Variants in AGO3 observed in about 807,000 individuals in gnomAD.
AGO3 encodes protein argonaute-3.
A neutral mutation model predicts 105.5 loss-of-function variants in AGO3; 16 were observed. That is an observed-to-expected ratio of 0.15 (90% confidence interval 0.10 to 0.23). The LOEUF (loss-of-function observed/expected upper bound fraction) is 0.23. Ranked by LOEUF, AGO3 falls within the 10% of genes least tolerant of loss-of-function variation. AGO3 has a pLI of 1.00. For synonymous variants in AGO3, 340 were observed against 367.3 expected, an observed-to-expected ratio of 0.93 and a Z score of 0.85; for missense variants, 534 against 1,088.0, an observed-to-expected ratio of 0.49 and a Z score of 7.16.
intron 8 of AGO3, 120 bp from the exon 9 acceptor site, chr1:36,009,355 T>G: frequency 8.6e-7 from 1 of 1,167,964 alleles, no homozygotes; most frequent in Non-Finnish European, 1.2e-6. Context: ...ACTTAACATA[T>G]TGAAAATAAG....
At chr1:35,948,672 A>G (rs543626608) in intron 2 of AGO3, among the ~76,000 whole-genome samples, 1 of 152,292 alleles carries the variant, frequency 6.6e-6, no homozygotes, top group East Asian at 1.9e-4. Context: ...GTAGCATAGA[A>G]TTTCATGTGT....
In AGO3 at chr1:36,022,952, AAAAG is replaced by A. The variant is rs1227360054; in HGVS notation, c.1407-4160_1407-4157del. On this transcript the variant is annotated intron_variant, in intron 11 of 18. Coordinates refer to ENST00000373191, the MANE Select transcript of AGO3 (RefSeq NM_024852.4). ...AAAAAACAAAAAAAAAAACAAAAAA[AAAAG>A]AGAAACAAAGGGCATAGACATAGAG... 4.7e-5 allele frequency among the ~76,000 whole-genome samples: 7 copies of A among 150,514 alleles called. No individual in the cohort carries two copies. In the East Asian group the frequency reaches 1.4e-3, roughly 29 times the overall value.
At chr1:35,947,934 G>C (rs1571417071) in intron 2 of AGO3, among the ~76,000 whole-genome samples, 1 of 152,294 alleles carries the variant, frequency 6.6e-6, no homozygotes, top group Non-Finnish European at 1.5e-5. Context: ...CCATGGGCCT[G>C]TAGTCCCAGC....
At chr1:36,046,306 C>T (rs538702287) in intron 17 of AGO3, among the ~76,000 whole-genome samples, 4 of 152,306 alleles carry the variant, frequency 2.6e-5, no homozygotes, top group African/African-American at 9.6e-5. Context: ...ATTGTTAAGG[C>T]TATGCTATCA....
intron 2 of AGO3, among the ~76,000 whole-genome samples, chr1:35,947,455 T>C (rs180978971): frequency 1.3e-5 from 2 of 152,222 alleles, no homozygotes; most frequent in African/African-American, 4.8e-5. Flanking sequence ...ATTGTGGTGT[T>C]TTTAGTGCAT....
At chr1:35,951,312 A>G (rs1646466724) in intron 2 of AGO3, among the ~76,000 whole-genome samples, 1 of 152,232 alleles carries the variant, frequency 6.6e-6, no homozygotes, top group Non-Finnish European at 1.5e-5. Context: ...TACTACTGTT[A>G]CTGTTAATAT....
chr1:35,995,207 A>AAAAAAAATATAT (rs1648180966), intron 5 of AGO3, among the ~76,000 whole-genome samples: 1 of 106,482 alleles, frequency 9.4e-6, no homozygotes, highest in African/African-American at 4.6e-5. Flanking sequence ...TCTAAAAAAA[A>AAAAAAAATATAT]AAATATATAT....
chr1:35,995,222 A>G (rs1648199917), intron 5 of AGO3, among the ~76,000 whole-genome samples: 1 of 145,752 alleles, frequency 6.9e-6, no homozygotes, highest in Admixed American at 6.9e-5. Flanking sequence ...ATATATATAT[A>G]TATATATATA....
intron 5 of AGO3, among the ~76,000 whole-genome samples, chr1:35,991,254 C>A (rs1205354128): frequency 6.6e-6 from 1 of 152,000 alleles, no homozygotes; most frequent in Non-Finnish European, 1.5e-5. Flanking sequence ...AAGATCGCGC[C>A]ACTGCACCCA....
intron 5 of AGO3, among the ~76,000 whole-genome samples, chr1:35,995,724 C>A (rs1648270735): frequency 6.6e-6 from 1 of 152,198 alleles, no homozygotes; most frequent in Non-Finnish European, 1.5e-5. Flanking sequence ...ATCACCCGGA[C>A]TGGAGTGCAG....
intron 5 of AGO3, 63 bp downstream of exon 5, chr1:35,973,574 A>G (rs1383512536): frequency 2.2e-5 from 30 of 1,349,666 alleles, no homozygotes; most frequent in Non-Finnish European, 9.7e-6. Context: ...TGTGTACATA[A>G]ATTTTATATA....
At chr1:36,043,367 A>G (rs1642330701) in intron 16 of AGO3, 80 bp from the exon 17 acceptor site, 2 of 1,078,868 alleles carry the variant, frequency 1.9e-6, no homozygotes, top group Admixed American at 1.9e-5. Flanking sequence ...CAGCCTATGT[A>G]TTCATACATT....
chr1:35,971,388 A>T (rs1246037117), intron 3 of AGO3, among the ~76,000 whole-genome samples: 2 of 150,004 alleles, frequency 1.3e-5, no homozygotes, highest in African/African-American at 4.9e-5. Context: ...TGAACTCCTG[A>T]CCTCAAGTGA....
At chr1:35,996,431 G>T (rs903181386) in intron 5 of AGO3, among the ~76,000 whole-genome samples, 2 of 151,834 alleles carry the variant, frequency 1.3e-5, no homozygotes, top group Admixed American at 1.3e-4. Context: ...ACATAACTCA[G>T]TAAGAAATAG....
At chr1:35,994,042 A>G (rs1381404298) in intron 5 of AGO3, among the ~76,000 whole-genome samples, 2 of 65,838 alleles carry the variant, frequency 3.0e-5, no homozygotes, top group Non-Finnish European at 5.3e-5. Context: ...CTGCGCCCAG[A>G]TTTTTTTTTT....
chr1:36,018,470 G>A (rs548834871), intron 11 of AGO3, among the ~76,000 whole-genome samples: 6 of 151,648 alleles, frequency 4.0e-5, no homozygotes, highest in East Asian at 2.0e-4. Context: ...GTTTTGAGAC[G>A]GAGTCTTGCT....
rs1043941932 is a variant in AGO3 at position 36,032,627 on chromosome 1, G to A, written c.1592-1547G>A. Among the ~76,000 whole-genome samples the A allele has an allele frequency of 5.9e-5, 9 of 152,212 alleles. No individual in the cohort carries two copies. The South Asian group carries it at 6.2e-4, about 11-fold the overall frequency. On this transcript the variant is annotated intron_variant, in intron 12 of 18. Transcript: ENST00000373191. ...TCTAACTCCTGGGCTCAAGCAATCC[G>A]CCTCAGCCTACCAAAGTGCTGGGAT...
intron 17 of AGO3, among the ~76,000 whole-genome samples, chr1:36,050,362 TG>T (rs766508526): frequency 1.6e-4 from 25 of 152,096 alleles, no homozygotes; most frequent in Non-Finnish European, 2.6e-4. Flanking sequence ...GGCACATGCC[TG>T]TAATCCCAGC....
At chr1:35,996,739 C>G (rs1416665416) in intron 5 of AGO3, among the ~76,000 whole-genome samples, 2 of 150,636 alleles carry the variant, frequency 1.3e-5, no homozygotes, top group Non-Finnish European at 2.9e-5. Flanking sequence ...CCGTTGCACT[C>G]CAGCCTGGGC....
Sources: allele counts gnomAD v4.1 joint callset (sites outside exome capture counted in the v4.1 genomes callset), GRCh38; gene constraint gnomAD v4.1.1; transcripts MANE v1.5; gene names NCBI Gene and HGNC (gene_info 2026-07-23, HGNC 2026-07-21).